CHCHD6: variants seen among roughly 807,000 people sequenced by gnomAD.
The protein encoded by CHCHD6 is coiled-coil-helix-coiled-coil-helix domain containing 6, also known as MICOS complex subunit MIC25.
In CHCHD6, 28 loss-of-function variants were observed where a neutral mutation model predicts 32.3. The ratio of observed to expected loss-of-function variants is 0.87; its 90% confidence interval spans 0.64 to 1.19. The LOEUF (loss-of-function observed/expected upper bound fraction) is 1.19, where lower values mean the gene tolerates loss of function less well. CHCHD6 is among the 50% of genes most tolerant of loss of function. CHCHD6 has a pLI of 0.00. For missense variants in CHCHD6, 333 were observed against 307.0 expected (o/e 1.08, Z -0.63); for synonymous variants, 122 against 117.5 (o/e 1.04, Z -0.25).
At chr3:126,757,819 G>C (rs115499929) in intron 4 of CHCHD6, among the ~76,000 whole-genome samples, 12 of 152,140 alleles carry the variant, frequency 7.9e-5, no homozygotes, top group African/African-American at 2.9e-4. Flanking sequence ...GCCGACAGGG[G>C]TATCTTTGTG....
intron 4 of CHCHD6, among the ~76,000 whole-genome samples, chr3:126,841,500 G>T (rs1264871719): frequency 6.6e-6 from 1 of 152,040 alleles, no homozygotes; most frequent in Non-Finnish European, 1.5e-5. Context: ...TAAAGTAAGG[G>T]TTGTGAGGAA....
At chr3:126,808,257 A>G (rs1384290433) in intron 4 of CHCHD6, among the ~76,000 whole-genome samples, 1 of 152,154 alleles carries the variant, frequency 6.6e-6, no homozygotes, top group East Asian at 1.9e-4. Flanking sequence ...AGAGTGAGAA[A>G]GAGAGAGTGT....
chr3:126,940,528 G>A (rs1576629153), intron 6 of CHCHD6, among the ~76,000 whole-genome samples: 1 of 152,114 alleles, frequency 6.6e-6, no homozygotes. Flanking sequence ...TTGTGTTTGT[G>A]TGCTTATATG....
chr3:126,860,767 C>G lies in CHCHD6; in HGVS notation c.495+8037C>G, dbSNP rs570689437. On this transcript the variant is annotated intron_variant, in intron 5 of 7. Transcript: ENST00000290913. ...AAATAGCATATTGCTTAGAGATTGA[C>G]GACTGCCTTTCTTAGCAAGATGAGC... Among the ~76,000 whole-genome samples the G allele has an allele frequency of 1.5e-4, 23 of 152,164 alleles. No individual in the cohort carries two copies. In the South Asian group the frequency reaches 4.2e-3, roughly 28 times the overall value.
At chr3:126,714,472 A>G (rs1442276840) in intron 1 of CHCHD6, among the ~76,000 whole-genome samples, 2 of 152,106 alleles carry the variant, frequency 1.3e-5, no homozygotes, top group African/African-American at 4.8e-5. Context: ...CTAGGGAACA[A>G]AATCTCCAAG....
chr3:126,842,788 T>A (rs1941145975), intron 4 of CHCHD6, among the ~76,000 whole-genome samples: 1 of 151,482 alleles, frequency 6.6e-6, no homozygotes, highest in South Asian at 2.1e-4. Context: ...ATTTTAACTG[T>A]CCTTTTCATT....
At chr3:126,751,221 A>G (rs1936708582) in intron 4 of CHCHD6, among the ~76,000 whole-genome samples, 1 of 151,476 alleles carries the variant, frequency 6.6e-6, no homozygotes, top group Non-Finnish European at 1.5e-5. Context: ...AGAATTTGCC[A>G]CCATGTGTGG....
intron 5 of CHCHD6, among the ~76,000 whole-genome samples, chr3:126,888,039 G>A (rs923945881): frequency 1.3e-5 from 2 of 152,196 alleles, no homozygotes; most frequent in Non-Finnish European, 2.9e-5. Context: ...GTGAGCGGGG[G>A]GCTGCTGAGG....
At chr3:126,753,768 A>C (rs1462027761) in intron 4 of CHCHD6, among the ~76,000 whole-genome samples, 1 of 152,196 alleles carries the variant, frequency 6.6e-6, no homozygotes, top group Non-Finnish European at 1.5e-5. Flanking sequence ...TCTGGGCTGC[A>C]GTGCTCCAGC....
At chr3:126,843,209 T>C (rs1318678437) in intron 4 of CHCHD6, among the ~76,000 whole-genome samples, 2 of 152,214 alleles carry the variant, frequency 1.3e-5, no homozygotes, top group African/African-American at 2.4e-5. Flanking sequence ...TCTTTTTTAA[T>C]GTGGTGAAGT....
At chr3:126,907,897 A>C (rs932325426) in intron 5 of CHCHD6, among the ~76,000 whole-genome samples, 2 of 152,146 alleles carry the variant, frequency 1.3e-5, no homozygotes, top group South Asian at 2.1e-4. Context: ...AGCTGGGTAG[A>C]ATAGAAGGCT....
intron 5 of CHCHD6, among the ~76,000 whole-genome samples, chr3:126,885,110 G>T (rs959240779): frequency 6.6e-5 from 10 of 152,230 alleles, no homozygotes; most frequent in Non-Finnish European, 1.3e-4. Flanking sequence ...CAGGCCCAGT[G>T]CTGTGCCCAT....
At chr3:126,950,288 C>A (rs2078698738) in intron 6 of CHCHD6, among the ~76,000 whole-genome samples, 1 of 151,108 alleles carries the variant, frequency 6.6e-6, no homozygotes, top group African/African-American at 2.4e-5. Context: ...TGCACAGAGG[C>A]CTCTCATAGA....
At chr3:126,878,580 A>T (rs2077569183) in intron 5 of CHCHD6, among the ~76,000 whole-genome samples, 2 of 152,270 alleles carry the variant, frequency 1.3e-5, no homozygotes, top group African/African-American at 2.4e-5. Context: ...ATATGGAAGT[A>T]TGGAAAGTAA....
intron 4 of CHCHD6, among the ~76,000 whole-genome samples, chr3:126,815,649 C>G (rs200774309): frequency 8.7e-5 from 13 of 149,790 alleles, no homozygotes; most frequent in South Asian, 6.5e-4. Context: ...TCTTGCCCCC[C>G]CCCCCCCATC....
Position 126,888,756 on chromosome 3 carries a change from C to T in CHCHD6, c.496-25924C>T, listed in dbSNP as rs185309500. Among the ~76,000 whole-genome samples the T allele has an allele frequency of 6.6e-5, 10 of 152,286 alleles. No homozygotes were observed. In the East Asian group the frequency reaches 1.4e-3, roughly 21 times the overall value. ...GCACTCAGGGGTGTGCCTGCTCCCC[C>T]ACCATGGAGCAGTGCTCGTTTTCCC... is the stretch of plus-strand genomic sequence containing the variant. On this transcript the variant is annotated intron_variant, in intron 5 of 7. Transcript: ENST00000290913.
intron 6 of CHCHD6, among the ~76,000 whole-genome samples, chr3:126,927,953 G>C (rs2078348938): frequency 6.6e-6 from 1 of 152,256 alleles, no homozygotes; most frequent in African/African-American, 2.4e-5. Flanking sequence ...CCATCCGCAA[G>C]GCAGAGCTGA....
At chr3:126,864,378 A>T (rs906160854) in intron 5 of CHCHD6, among the ~76,000 whole-genome samples, 5 of 126,170 alleles carry the variant, frequency 4.0e-5, no homozygotes, top group Non-Finnish European at 6.7e-5. Context: ...CACCTCCACC[A>T]TCACTACTAC....
chr3:126,714,674 C>T (rs1196904020), intron 1 of CHCHD6, among the ~76,000 whole-genome samples: 4 of 152,162 alleles, frequency 2.6e-5, no homozygotes, highest in African/African-American at 9.7e-5. Flanking sequence ...GCCCACCCTG[C>T]CTGCCTGCTG....
Sources: gnomAD v4.1 joint callset for allele counts (sites outside exome capture counted in the v4.1 genomes callset) on GRCh38, gnomAD v4.1.1 for gene constraint, MANE v1.5 for transcripts, NCBI Gene and HGNC (gene_info 2026-07-23, HGNC 2026-07-21) for gene names.